MYOCD: variants seen among roughly 807,000 people sequenced by gnomAD.
The protein encoded by MYOCD is myocardin.
MYOCD carries 32 observed loss-of-function variants against 96.1 expected under a neutral mutation model. That is an observed-to-expected ratio of 0.33 (90% CI 0.25 to 0.45). The LOEUF (loss-of-function observed/expected upper bound fraction) is 0.45. Among genes scored for constraint, MYOCD ranks in the 20% least tolerant of loss-of-function variants. MYOCD has a pLI of 1.00. For missense variants in MYOCD, 1,133 were observed against 1,200.6 expected (o/e 0.94, Z 0.83); for synonymous variants, 469 against 469.0 (o/e 1.00, Z 0.00).
chr17:12,702,544 T>C (rs1471807886), intron 1 of MYOCD, among the ~76,000 whole-genome samples: 1 of 152,054 alleles, frequency 6.6e-6, no homozygotes, highest in African/African-American at 2.4e-5. Flanking sequence ...AAATTTGATG[T>C]AATTATTGGC....
intron 1 of MYOCD, among the ~76,000 whole-genome samples, chr17:12,692,447 GT>G (rs1476173281): frequency 6.6e-6 from 1 of 152,154 alleles, no homozygotes; most frequent in Non-Finnish European, 1.5e-5. Flanking sequence ...ATTATTTGTT[GT>G]TAATATTGAG....
At chr17:12,673,514 C>T (rs1195754010) in intron 1 of MYOCD, among the ~76,000 whole-genome samples, 1 of 152,108 alleles carries the variant, frequency 6.6e-6, no homozygotes, top group Non-Finnish European at 1.5e-5. Flanking sequence ...AATATTCCCC[C>T]AAGTGAGTAT....
intron 1 of MYOCD, among the ~76,000 whole-genome samples, chr17:12,701,501 G>T (rs1463313844): frequency 2.0e-5 from 3 of 152,128 alleles, no homozygotes; most frequent in Non-Finnish European, 4.4e-5. Flanking sequence ...TTTTGGCATT[G>T]TCAATTTTTT....
intron 2 of MYOCD, among the ~76,000 whole-genome samples, chr17:12,711,924 C>CT (rs11388469): frequency 0.16 from 21,424 of 134,752 alleles, 1,789 homozygotes; most frequent in Middle Eastern, 0.21. Context: ...TTTCTTTTTT[C>CT]TTTTTTTTTT....
intron 7 of MYOCD, among the ~76,000 whole-genome samples, chr17:12,741,343 C>G (rs916308532): frequency 1.3e-5 from 2 of 152,036 alleles, no homozygotes; most frequent in Admixed American, 1.3e-4. Flanking sequence ...AGATGAGTCC[C>G]GTTATTTCTA....
At position 12,736,311 on chromosome 17, in the gene MYOCD, C is replaced by T. The variant is rs144123101; in HGVS notation, c.566C>T (p.Ser189Leu). The T allele has an allele frequency of 7.1e-5, 115 of 1,613,898 alleles. No homozygotes were observed. Among genetic ancestry groups the T allele is most frequent in the Middle Eastern group, 1.6e-4 (1 of 6,080 alleles). ...GACGCTAAAGCCTCAGATACCCCTTCGACAGGTTCTCTGGGGACAAACCAG... is the reference window on the plus strand; with the variant it reads ...GACGCTAAAGCCTCAGATACCCCTTTGACAGGTTCTCTGGGGACAAACCAG... Reference protein sequence around the residue: ...PPDAKASDTPSTGSLGTNQDL... With the variant: ...PPDAKASDTPLTGSLGTNQDL... Residue 189 changes from serine to leucine, a missense_variant, in exon 6 of 14, where the codon TCG becomes TTG. Physicochemically the swap from Ser to Leu is moderately radical, Grantham distance 145. Coordinates refer to ENST00000425538, the MANE Select transcript of MYOCD (RefSeq NM_001146312.3).
chr17:12,727,239 AAGTGGAC>A (rs1305999258), intron 5 of MYOCD, among the ~76,000 whole-genome samples: 1 of 152,168 alleles, frequency 6.6e-6, no homozygotes, highest in African/African-American at 2.4e-5. Context: ...AAAAATCCAA[AAGTGGAC>A]AGCAGTAATG....
At chr17:12,709,054 T>C (rs1395576476) in intron 2 of MYOCD, among the ~76,000 whole-genome samples, 1 of 152,232 alleles carries the variant, frequency 6.6e-6, no homozygotes, top group African/African-American at 2.4e-5. Flanking sequence ...TTCGCCATGA[T>C]GAGCATTGAA....
At chr17:12,744,034 G>T in intron 7 of MYOCD, 149 bp from the exon 8 acceptor site, 2 of 886,040 alleles carry the variant, frequency 2.3e-6, no homozygotes, top group Non-Finnish European at 3.4e-6. Flanking sequence ...AGTGTCCTAG[G>T]AGCTCTTTGT....
intron 1 of MYOCD, among the ~76,000 whole-genome samples, chr17:12,704,174 G>A (rs1210418895): frequency 6.6e-6 from 1 of 151,914 alleles, no homozygotes; most frequent in Non-Finnish European, 1.5e-5. Context: ...TGGAAAACAC[G>A]GTTTTTATTT....
At chr17:12,760,396 T>C in intron 12 of MYOCD, 1 of 459,758 alleles carries the variant, frequency 2.2e-6, no homozygotes. Flanking sequence ...ATTTTAGTCT[T>C]GCAGGATGAA....
chr17:12,757,946 G>GT (rs1392638990), intron 11 of MYOCD, 139 bp from the exon 12 acceptor site: 1 of 671,228 alleles, frequency 1.5e-6, no homozygotes, highest in African/African-American at 1.8e-5. Context: ...ATATATGGGA[G>GT]TTATTTTCTA....
chr17:12,717,403 A>G lies in MYOCD; in HGVS notation c.235A>G (p.Asn79Asp). ...CAGGTGCAACAGTGCCGACTTGGTTAATATGCACATACTCCAAGGTAAGGC... is the reference window on the plus strand; with the variant it reads ...CAGGTGCAACAGTGCCGACTTGGTTGATATGCACATACTCCAAGGTAAGGC... Reference protein sequence around the residue: ...RNRCNSADLVNMHILQASTAE... With the variant: ...RNRCNSADLVDMHILQASTAE... The change falls in exon 4 of 14, where the codon AAT becomes GAT. Residue 79 changes from asparagine (N) to aspartate (D), a missense_variant. Coordinates refer to ENST00000425538, the MANE Select transcript of MYOCD (RefSeq NM_001146312.3). 1.2e-6 allele frequency: 2 copies of G among 1,613,924 alleles called. No individual in the cohort carries two copies. The highest frequency in any genetic ancestry group is 1.7e-6 in the Non-Finnish European group (2 of 1,179,872).
At chr17:12,708,464 G>C in intron 2 of MYOCD, among the ~76,000 whole-genome samples, 1 of 151,898 alleles carries the variant, frequency 6.6e-6, no homozygotes. Flanking sequence ...CGTGATCTCG[G>C]CTCACTGCAA....
chr17:12,735,327 A>T (rs1037553457), intron 5 of MYOCD, among the ~76,000 whole-genome samples: 1 of 152,140 alleles, frequency 6.6e-6, no homozygotes, highest in Admixed American at 6.5e-5. Context: ...ACCAGATGAA[A>T]TTTGGCAAAT....
intron 5 of MYOCD, among the ~76,000 whole-genome samples, chr17:12,732,692 G>A (rs1272798003): frequency 6.6e-6 from 1 of 152,196 alleles, no homozygotes; most frequent in Non-Finnish European, 1.5e-5. Flanking sequence ...CAGCCCTGGG[G>A]AAAGGGGGAT....
At chr17:12,760,307 C>T (rs2033132844) in intron 12 of MYOCD, 2 of 311,652 alleles carry the variant, frequency 6.4e-6, no homozygotes, top group East Asian at 7.1e-5. Context: ...TAGTCAAATT[C>T]GTAAAGGCAG....
rs762908156 is a variant in MYOCD, at chr17:12,764,133, A to G, written c.*489A>G. ...CAATGTCTCCATTACTATCTTTCAA[A>G]AGAGAAGCCAGACCCAGCTTCAGAT... On this transcript the variant is annotated 3_prime_UTR_variant, in exon 14 of 14. Transcript: ENST00000425538. 1 of 152,446 alleles carries G rather than the reference A, an allele frequency of 6.6e-6. No homozygotes were observed. The highest frequency in any genetic ancestry group is 1.5e-5 in the Non-Finnish European group (1 of 68,258). The allele number at this position is 152,446 out of a possible 1,614,324, so 9.4% of individuals were successfully genotyped here.
At chr17:12,703,833 A>C (rs943117361) in intron 1 of MYOCD, among the ~76,000 whole-genome samples, 2 of 151,572 alleles carry the variant, frequency 1.3e-5, no homozygotes, top group African/African-American at 4.8e-5. Flanking sequence ...ATATTCTTCT[A>C]TTAAGTCCAT....
Sources: gnomAD v4.1 joint callset for allele counts (sites outside exome capture counted in the v4.1 genomes callset) on GRCh38, gnomAD v4.1.1 for gene constraint, MANE v1.5 for transcripts, NCBI Gene and HGNC (gene_info 2026-07-23, HGNC 2026-07-21) for gene names.